Variants in C4orf36 observed in about 807,000 individuals in gnomAD.
C4orf36 encodes uncharacterized protein C4orf36.
C4orf36 carries 11 observed loss-of-function variants against 12.2 expected under a neutral mutation model. The ratio of observed to expected loss-of-function variants is 0.90; its 90% CI spans 0.57 to 1.49. The LOEUF (loss-of-function observed/expected upper bound fraction) is 1.49, where lower values mean the gene tolerates loss of function less well. Among genes scored for constraint, C4orf36 ranks in the 40% most tolerant of loss-of-function variants. The pLI, the probability that C4orf36 is intolerant of heterozygous loss-of-function variation, is 0.00. For synonymous variants in C4orf36, 54 were observed against 51.3 expected (o/e 1.05, Z -0.22); for missense variants, 137 against 133.9 (o/e 1.02, Z -0.11).
At chr4:86,903,910 G>A in the C4orf36 span, among the ~76,000 whole-genome samples, 4,486 of 152,198 alleles carry the variant, frequency 0.029, 239 homozygotes, top group African/African-American at 0.1. Flanking sequence ...TGACTAGCTA[G>A]ACACAGAGCG....
the C4orf36 span, among the ~76,000 whole-genome samples, chr4:86,908,347 A>C: frequency 6.6e-6 from 1 of 152,040 alleles, no homozygotes; most frequent in African/African-American, 2.4e-5. Flanking sequence ...GATTTGAGTT[A>C]TACTTAAGGA....
intron 4 of C4orf36, among the ~76,000 whole-genome samples, chr4:86,881,336 T>C (rs1410591199): frequency 6.6e-6 from 1 of 152,164 alleles, no homozygotes; most frequent in African/African-American, 2.4e-5. Context: ...GTAAAAATGG[T>C]ATATTTGTTC....
chr4:86,923,603 CA>C, the C4orf36 span, among the ~76,000 whole-genome samples: 1 of 151,800 alleles, frequency 6.6e-6, no homozygotes, highest in Non-Finnish European at 1.5e-5. Context: ...ACTAAAAATA[CA>C]AAATATTAGC....
intron 4 of C4orf36, among the ~76,000 whole-genome samples, chr4:86,881,391 T>C (rs1747052044): frequency 6.6e-6 from 1 of 152,214 alleles, no homozygotes; most frequent in Non-Finnish European, 1.5e-5. Context: ...TATTCAATCA[T>C]ATCATGGCTA....
the C4orf36 span, among the ~76,000 whole-genome samples, chr4:86,902,415 T>C: frequency 2.3e-5 from 1 of 43,958 alleles, no homozygotes; most frequent in African/African-American, 1.2e-4. Flanking sequence ...AGAATGAGAC[T>C]CTCAAAAAAA....
upstream of C4orf36, among the ~76,000 whole-genome samples, chr4:86,893,650 G>A (rs1259224496): frequency 2.6e-5 from 4 of 151,638 alleles, no homozygotes; most frequent in Admixed American, 2.6e-4. Flanking sequence ...CTTCTGATTA[G>A]AGTAGGCTCG....
upstream of C4orf36, among the ~76,000 whole-genome samples, chr4:86,896,252 T>A (rs1747586457): frequency 6.6e-6 from 1 of 152,224 alleles, no homozygotes; most frequent in South Asian, 2.1e-4. Flanking sequence ...CCCAGGACTA[T>A]AATTAGGGCA....
the C4orf36 span, among the ~76,000 whole-genome samples, chr4:86,911,724 G>A: frequency 2.0e-5 from 3 of 152,056 alleles, no homozygotes; most frequent in Admixed American, 6.6e-5. Flanking sequence ...GTTTTGCTCT[G>A]TGCCCAGGCT....
chr4:86,900,843 T>C, the C4orf36 span, among the ~76,000 whole-genome samples: 1 of 152,184 alleles, frequency 6.6e-6, no homozygotes, highest in Admixed American at 6.5e-5. Flanking sequence ...GCACCACCTC[T>C]GACAAGCTAT....
chr4:86,909,365 CTTT>C, the C4orf36 span, among the ~76,000 whole-genome samples: 1 of 152,150 alleles, frequency 6.6e-6, no homozygotes, highest in East Asian at 1.9e-4. Flanking sequence ...TCAAAAGCTT[CTTT>C]GAGTGGTCTC....
the C4orf36 span, chr4:86,913,824 AC>A: frequency 1.0e-5 from 7 of 679,674 alleles, no homozygotes; most frequent in South Asian, 4.3e-5. Flanking sequence ...CTTTTCATCC[AC>A]TTTTTTTTTT....
At chr4:86,911,903 C>T in the C4orf36 span, among the ~76,000 whole-genome samples, 2 of 152,164 alleles carry the variant, frequency 1.3e-5, no homozygotes, top group Non-Finnish European at 2.9e-5. Flanking sequence ...TTTTGTTGCC[C>T]AGGCTGGAGT....
chr4:86,895,263 C>A (rs1368393381), upstream of C4orf36, among the ~76,000 whole-genome samples: 1 of 152,024 alleles, frequency 6.6e-6, no homozygotes, highest in African/African-American at 2.4e-5. Flanking sequence ...CTGCTGTGAG[C>A]CATGATCACG....
the C4orf36 span, among the ~76,000 whole-genome samples, chr4:86,918,992 G>A: frequency 6.6e-6 from 1 of 152,096 alleles, no homozygotes; most frequent in East Asian, 1.9e-4. Flanking sequence ...AGCTGATGGT[G>A]TAATACTCAG....
the C4orf36 span, among the ~76,000 whole-genome samples, chr4:86,921,159 CCTT>C: frequency 6.7e-6 from 1 of 149,622 alleles, no homozygotes; most frequent in East Asian, 1.9e-4. Flanking sequence ...GAGTGAAACT[CCTT>C]CTCAAAAAAA....
At chr4:86,912,569 A>G in the C4orf36 span, among the ~76,000 whole-genome samples, 1 of 152,204 alleles carries the variant, frequency 6.6e-6, no homozygotes, top group Non-Finnish European at 1.5e-5. Context: ...CTATATATCC[A>G]TGAGCCAACT....
chr4:86,916,556 A>G, the C4orf36 span, among the ~76,000 whole-genome samples: 1 of 152,156 alleles, frequency 6.6e-6, no homozygotes, highest in Non-Finnish European at 1.5e-5. Context: ...GCAGATGCCA[A>G]CACTGACCCC....
At chr4:86,924,356 C>T in the C4orf36 span, among the ~76,000 whole-genome samples, 1 of 152,204 alleles carries the variant, frequency 6.6e-6, no homozygotes, top group Non-Finnish European at 1.5e-5. Flanking sequence ...TGCATCGGCA[C>T]ACCTGGCTAA....
chr4:86,918,847 G>A, the C4orf36 span, among the ~76,000 whole-genome samples: 8 of 152,088 alleles, frequency 5.3e-5, no homozygotes, highest in East Asian at 5.8e-4. Context: ...ACGTGATATG[G>A]GGAGATTTAT....
Sources: gnomAD v4.1 joint callset for allele counts (sites outside exome capture counted in the v4.1 genomes callset) on GRCh38, gnomAD v4.1.1 for gene constraint, MANE v1.5 for transcripts, NCBI Gene and HGNC (gene_info 2026-07-23, HGNC 2026-07-21) for gene names.